Variants in NOL4 observed in about 807,000 individuals in gnomAD.
NOL4 encodes nucleolar protein 4, also known as cancer/testis antigen 125.
NOL4 carries 17 observed loss-of-function variants against 75.9 expected under a neutral mutation model. The ratio of observed to expected loss-of-function variants is 0.22; its 90% CI spans 0.15 to 0.34. NOL4 has a LOEUF of 0.34. NOL4 is among the 10% of genes least tolerant of loss of function. The pLI is 1.00. For missense variants in NOL4, 614 were observed against 793.5 expected, an observed-to-expected ratio of 0.77 and a Z score of 2.72; for synonymous variants, 292 against 289.9, an observed-to-expected ratio of 1.01 and a Z score of -0.07.
intron 5 of NOL4, among the ~76,000 whole-genome samples, chr18:34,077,814 C>G (rs1205012185): frequency 6.6e-6 from 1 of 152,082 alleles, no homozygotes; most frequent in East Asian, 1.9e-4. Flanking sequence ...TTTTACTACT[C>G]TCCATTACTG....
intron 9 of NOL4, among the ~76,000 whole-genome samples, chr18:33,887,087 TTAGA>T (rs1389714331): frequency 7.1e-6 from 1 of 140,342 alleles, no homozygotes; most frequent in Admixed American, 7.5e-5. Context: ...TCTATATATA[TTAGA>T]TATAGATATA....
chr18:34,139,311 C>G (rs1334247291), intron 1 of NOL4, among the ~76,000 whole-genome samples: 1 of 152,022 alleles, frequency 6.6e-6, no homozygotes, highest in East Asian at 1.9e-4. Flanking sequence ...TGGTCCTGGA[C>G]TTTTTTTGGT....
In NOL4 at chr18:33,878,420, T is replaced by A. The variant is rs183465856; in HGVS notation, c.1723+4824A>T. ...AAGTAAATTAAAAGGGCAAAGTGGG[T>A]CATGAAGTGTTTGTAGTCCCACAGT... is the stretch of plus-strand genomic sequence containing the variant. On this transcript the variant is annotated intron_variant, in intron 10 of 10. Coordinates refer to ENST00000261592, the MANE Select transcript of NOL4 (RefSeq NM_003787.5). Among the ~76,000 whole-genome samples the A allele has an allele frequency of 5.6e-3, 852 of 152,220 alleles. 5 individuals are homozygous for A. The highest frequency in any genetic ancestry group is 9.3e-3 in the Non-Finnish European group (635 of 67,998).
chr18:34,030,167 C>A (rs567138374), intron 5 of NOL4, among the ~76,000 whole-genome samples: 21 of 152,222 alleles, frequency 1.4e-4, no homozygotes, highest in African/African-American at 4.8e-4. Flanking sequence ...GAAAAAGGAG[C>A]AATGCCTATT....
intron 10 of NOL4, among the ~76,000 whole-genome samples, chr18:33,878,917 C>G (rs1276099932): frequency 6.6e-6 from 1 of 152,120 alleles, no homozygotes; most frequent in South Asian, 2.1e-4. Context: ...CTTTTAACCA[C>G]AATATATAGA....
chr18:34,215,237 C>T (rs551487900), intron 1 of NOL4, among the ~76,000 whole-genome samples: 29 of 152,106 alleles, frequency 1.9e-4, no homozygotes, highest in South Asian at 4.1e-4. Flanking sequence ...GTAGATAAAA[C>T]TAAAAAGCTC....
intron 6 of NOL4, among the ~76,000 whole-genome samples, chr18:33,979,229 A>G (rs959721030): frequency 2.6e-5 from 4 of 152,068 alleles, no homozygotes; most frequent in East Asian, 3.9e-4. Flanking sequence ...AGGACAAAAC[A>G]TAAACAAAGT....
chr18:33,897,204 T>C (rs2065462570), intron 9 of NOL4, among the ~76,000 whole-genome samples: 1 of 152,158 alleles, frequency 6.6e-6, no homozygotes, highest in Non-Finnish European at 1.5e-5. Context: ...GAAAGCAGTA[T>C]GGTGATTCCT....
chr18:34,071,205 C>A (rs2077500217), intron 5 of NOL4, among the ~76,000 whole-genome samples: 1 of 151,950 alleles, frequency 6.6e-6, no homozygotes, highest in African/African-American at 2.4e-5. Context: ...TTATATTGTA[C>A]CCACTAAATA....
chr18:33,955,122 G>A (rs1463998951), intron 8 of NOL4, among the ~76,000 whole-genome samples: 1 of 152,038 alleles, frequency 6.6e-6, no homozygotes, highest in Non-Finnish European at 1.5e-5. Context: ...TACTCATGTT[G>A]CGTGAAGAAT....
At chr18:34,161,340 T>C (rs1013462407) in intron 1 of NOL4, among the ~76,000 whole-genome samples, 3 of 152,144 alleles carry the variant, frequency 2.0e-5, no homozygotes, top group Non-Finnish European at 2.9e-5. Context: ...AGTAGTGGGA[T>C]TGCCATTCTA....
intron 1 of NOL4, among the ~76,000 whole-genome samples, chr18:34,141,472 G>C (rs1368135430): frequency 6.6e-6 from 1 of 152,110 alleles, no homozygotes. Flanking sequence ...CATGGTACTG[G>C]TACCAAAACA....
chr18:34,089,699 C>CA (rs1444443621), intron 5 of NOL4, among the ~76,000 whole-genome samples: 2 of 152,144 alleles, frequency 1.3e-5, no homozygotes, highest in African/African-American at 4.8e-5. Context: ...TTTTGTCCCA[C>CA]AAGGGACATT....
chr18:33,894,497 A>G (rs1156257873), intron 9 of NOL4, among the ~76,000 whole-genome samples: 2 of 152,080 alleles, frequency 1.3e-5, no homozygotes, highest in African/African-American at 4.8e-5. Flanking sequence ...CAAACCCACT[A>G]AGACAGATAA....
At chr18:33,971,066 A>C (rs985800464) in intron 6 of NOL4, among the ~76,000 whole-genome samples, 8 of 152,198 alleles carry the variant, frequency 5.3e-5, no homozygotes, top group Non-Finnish European at 1.0e-4. Flanking sequence ...CAAATCCTAC[A>C]TTTTGTATTT....
At chr18:34,006,081 G>C (rs545748250) in intron 6 of NOL4, among the ~76,000 whole-genome samples, 4 of 152,038 alleles carry the variant, frequency 2.6e-5, no homozygotes, top group South Asian at 4.1e-4. Context: ...TCAGTAACTG[G>C]TATTTCTCTT....
intron 6 of NOL4, among the ~76,000 whole-genome samples, chr18:33,993,165 G>A (rs1393598868): frequency 6.6e-6 from 1 of 151,938 alleles, no homozygotes; most frequent in Non-Finnish European, 1.5e-5. Flanking sequence ...AGGCACCTGA[G>A]TTTTATTGCC....
intron 5 of NOL4, among the ~76,000 whole-genome samples, chr18:34,043,704 T>C (rs1009048415): frequency 1.3e-5 from 2 of 151,954 alleles, no homozygotes; most frequent in African/African-American, 4.8e-5. Flanking sequence ...GATAGTCCAA[T>C]GAGATAATGT....
chr18:34,150,764 A>C (rs2081606274), intron 1 of NOL4, among the ~76,000 whole-genome samples: 1 of 151,776 alleles, frequency 6.6e-6, no homozygotes, highest in Non-Finnish European at 1.5e-5. Context: ...TATAATTCAA[A>C]ACTTCTGATC....
Sources: allele counts gnomAD v4.1 joint callset (sites outside exome capture counted in the v4.1 genomes callset), GRCh38; gene constraint gnomAD v4.1.1; transcripts MANE v1.5; gene names NCBI Gene and HGNC (gene_info 2026-07-23, HGNC 2026-07-21).